Variants in LUZP2 observed in about 807,000 individuals in gnomAD.
LUZP2 encodes leucine zipper protein 2.
Under a neutral mutation model 51.6 loss-of-function variants are expected in LUZP2, and 52 were observed. The ratio of observed to expected loss-of-function variants is 1.01; its 90% CI spans 0.81 to 1.27. The LOEUF (loss-of-function observed/expected upper bound fraction) is 1.27, where lower values mean the gene tolerates loss of function less well. Ranked by LOEUF, LUZP2 falls within the 50% of genes most tolerant of loss-of-function variation. LUZP2 has a pLI of 0.00. For missense variants in LUZP2, 436 were observed against 395.4 expected (o/e 1.10, Z -0.87); for synonymous variants, 154 against 137.3 (o/e 1.12, Z -0.85).
chr11:24,573,443 G>A (rs1019312336), intron 1 of LUZP2, among the ~76,000 whole-genome samples: 1 of 151,642 alleles, frequency 6.6e-6, no homozygotes, highest in Non-Finnish European at 1.5e-5. Flanking sequence ...TTTTCATGAG[G>A]ATTACCTTTT....
chr11:24,942,219 T>C (rs1854771749), intron 7 of LUZP2, among the ~76,000 whole-genome samples: 1 of 152,170 alleles, frequency 6.6e-6, no homozygotes. Context: ...TATTTTGTTC[T>C]GGGGAAAAAT....
chr11:24,764,150 A>C (rs2134035093), intron 5 of LUZP2, among the ~76,000 whole-genome samples: 1 of 152,332 alleles, frequency 6.6e-6, no homozygotes, highest in East Asian at 1.9e-4. Context: ...ACGAGATTAA[A>C]GTCAGTTTTA....
At chr11:24,922,826 TTTTTTTTTTTC>T (rs1378128893) in intron 7 of LUZP2, among the ~76,000 whole-genome samples, 4,984 of 48,238 alleles carry the variant, frequency 0.1, 872 homozygotes, top group East Asian at 0.26. Context: ...CAGTTATATC[TTTTTTTTTTTC>T]TTTTTTTTTT....
chr11:24,929,678 T>G (rs1356570216), intron 7 of LUZP2, among the ~76,000 whole-genome samples: 1 of 152,112 alleles, frequency 6.6e-6, no homozygotes, highest in Non-Finnish European at 1.5e-5. Context: ...TGCCAATGAA[T>G]AGAGTATATA....
chr11:24,922,611 C>G (rs895750893), intron 7 of LUZP2, among the ~76,000 whole-genome samples: 1 of 152,102 alleles, frequency 6.6e-6, no homozygotes, highest in Non-Finnish European at 1.5e-5. Flanking sequence ...ATGTAGGCAA[C>G]TTACAAATGA....
intron 1 of LUZP2, among the ~76,000 whole-genome samples, chr11:24,693,775 T>A (rs902572542): frequency 6.6e-6 from 1 of 152,116 alleles, no homozygotes; most frequent in African/African-American, 2.4e-5. Flanking sequence ...TGGGAGTTGA[T>A]ATATGAATAC....
intron 5 of LUZP2, among the ~76,000 whole-genome samples, chr11:24,792,156 C>T (rs1005875665): frequency 2.0e-5 from 3 of 151,862 alleles, no homozygotes; most frequent in African/African-American, 4.8e-5. Context: ...TGGCCAGGCA[C>T]GGTGGTTCAT....
At chr11:24,537,440 G>A (rs909996801) in intron 1 of LUZP2, among the ~76,000 whole-genome samples, 4 of 151,858 alleles carry the variant, frequency 2.6e-5, no homozygotes, top group East Asian at 1.9e-4. Context: ...CTCGAATCAC[G>A]TAAGAATGTT....
At chr11:25,061,642 A>T (rs921872442) in intron 10 of LUZP2, among the ~76,000 whole-genome samples, 4 of 152,096 alleles carry the variant, frequency 2.6e-5, no homozygotes, top group African/African-American at 7.2e-5. Flanking sequence ...AATTGAGATG[A>T]TGAAGGTATT....
intron 1 of LUZP2, among the ~76,000 whole-genome samples, chr11:24,728,819 A>C (rs1858593239): frequency 6.6e-6 from 1 of 151,920 alleles, no homozygotes; most frequent in Non-Finnish European, 1.5e-5. Flanking sequence ...AGACTGGGTA[A>C]TTTATAAAGA....
intron 1 of LUZP2, among the ~76,000 whole-genome samples, chr11:24,685,274 G>A (rs1254778449): frequency 1.3e-5 from 2 of 151,954 alleles, no homozygotes; most frequent in Non-Finnish European, 2.9e-5. Flanking sequence ...AAAGCACTTT[G>A]CACATTACAG....
At chr11:24,877,897 G>T (rs973524016) in intron 5 of LUZP2, among the ~76,000 whole-genome samples, 2 of 152,006 alleles carry the variant, frequency 1.3e-5, no homozygotes, top group African/African-American at 4.8e-5. Flanking sequence ...ACTTAATATA[G>T]TGACTTCCGG....
At chr11:24,687,230 A>G (rs1489551861) in intron 1 of LUZP2, among the ~76,000 whole-genome samples, 2 of 112,538 alleles carry the variant, frequency 1.8e-5, no homozygotes, top group Non-Finnish European at 3.6e-5. Flanking sequence ...TGATTTTTAA[A>G]TGCCCTTGTG....
intron 5 of LUZP2, among the ~76,000 whole-genome samples, chr11:24,849,832 A>G (rs925890896): frequency 5.3e-5 from 8 of 152,118 alleles, no homozygotes; most frequent in African/African-American, 1.7e-4. Flanking sequence ...CTGGCATGAG[A>G]TGGTATCTCA....
At chr11:24,562,409 A>T (rs1852073228) in intron 1 of LUZP2, among the ~76,000 whole-genome samples, 2 of 151,916 alleles carry the variant, frequency 1.3e-5, no homozygotes, top group South Asian at 4.1e-4. Flanking sequence ...ACCCCAAGGG[A>T]TATAGTTCAC....
chr11:25,018,764 T>C (rs141652794), intron 9 of LUZP2, among the ~76,000 whole-genome samples: 2 of 152,024 alleles, frequency 1.3e-5, no homozygotes, highest in African/African-American at 4.8e-5. Context: ...CATGCCACCA[T>C]GCCTGGCTAA....
chr11:25,015,501 G>A (rs1857122907), intron 9 of LUZP2, among the ~76,000 whole-genome samples: 1 of 152,066 alleles, frequency 6.6e-6, no homozygotes, highest in Non-Finnish European at 1.5e-5. Context: ...AGTCTCCTCA[G>A]GTCTTTGACA....
At chr11:24,926,533 GTA>G (rs1426531795) in intron 7 of LUZP2, among the ~76,000 whole-genome samples, 27 of 144,806 alleles carry the variant, frequency 1.9e-4, no homozygotes, top group African/African-American at 4.6e-4. Context: ...ATATGTGTGT[GTA>G]TATATATACG....
rs574417395 is a variant in LUZP2 at position 24,759,343 on chromosome 11, T to C, written c.334-3903T>C. Among the ~76,000 whole-genome samples the C allele has an allele frequency of 3.3e-5, 5 of 152,300 alleles. No individual in the cohort carries two copies. The South Asian group carries it at 6.2e-4, about 19-fold the overall frequency. ...CTGAGAATTATTGTATAACTATCAA[T>C]AGGAATGCTTATTCTTTCATGGGTG... On this transcript the variant is annotated intron_variant, in intron 4 of 11. Transcript: ENST00000336930.
Sources: gnomAD v4.1 joint callset for allele counts (sites outside exome capture counted in the v4.1 genomes callset) on GRCh38, gnomAD v4.1.1 for gene constraint, MANE v1.5 for transcripts, NCBI Gene and HGNC (gene_info 2026-07-23, HGNC 2026-07-21) for gene names.